The following AUTS2 variants were observed in gnomAD, a reference collection of about 807,000 sequenced individuals.
The protein encoded by AUTS2 is autism susceptibility gene 2 protein.
AUTS2 carries 17 observed loss-of-function variants against 112.4 expected under a neutral mutation model. The ratio of observed to expected loss-of-function variants is 0.15; its 90% confidence interval spans 0.10 to 0.23. The LOEUF is 0.23. Among genes scored for constraint, AUTS2 ranks in the 10% least tolerant of loss-of-function variants. AUTS2 has a pLI of 1.00. For synonymous variants in AUTS2, 751 were observed against 702.7 expected (o/e 1.07, Z -1.09); for missense variants, 1,510 against 1,701.6 (o/e 0.89, Z 1.98).
rs186323825 is a variant in AUTS2, at chr7:69,683,746, A to T, written c.309+83784A>T. On this transcript the variant is annotated intron_variant, in intron 1 of 18. Coordinates refer to ENST00000342771, the MANE Select transcript of AUTS2 (RefSeq NM_015570.4). ...GAAACCCTGTCTCTACTAAAAAAAAAACCAAAAAACAAAAATTGGTCTGGC... is the reference window on the plus strand; with the variant it reads ...GAAACCCTGTCTCTACTAAAAAAAATACCAAAAAACAAAAATTGGTCTGGC... 2.4e-3 allele frequency among the ~76,000 whole-genome samples: 367 copies of T among 152,082 alleles called. 2 individuals carry two copies. Among genetic ancestry groups the T allele is most frequent in the African/African-American group, 8.4e-3 (348 of 41,498 alleles).
chr7:69,739,167 C>T (rs1274948478), intron 1 of AUTS2, among the ~76,000 whole-genome samples: 1 of 152,134 alleles, frequency 6.6e-6, no homozygotes, highest in African/African-American at 2.4e-5. Flanking sequence ...CCCTCCCCTC[C>T]TGCCCTGAAA....
intron 1 of AUTS2, among the ~76,000 whole-genome samples, chr7:69,696,942 C>T (rs1797587268): frequency 6.6e-6 from 1 of 152,162 alleles, no homozygotes; most frequent in South Asian, 2.1e-4. Flanking sequence ...AACTTATTTC[C>T]AAACATCTAA....
chr7:70,307,202 A>G (rs1789531603), intron 4 of AUTS2, among the ~76,000 whole-genome samples: 1 of 152,194 alleles, frequency 6.6e-6, no homozygotes, highest in African/African-American at 2.4e-5. Context: ...TCTTACAACA[A>G]AATTGAACAT....
chr7:70,719,642 T>G (rs1253072390), intron 6 of AUTS2, among the ~76,000 whole-genome samples: 1 of 152,218 alleles, frequency 6.6e-6, no homozygotes, highest in South Asian at 2.1e-4. Context: ...TTATGTATTT[T>G]TAGTAGAGAC....
chr7:70,039,613 T>G (rs1801158986), intron 2 of AUTS2, among the ~76,000 whole-genome samples: 1 of 152,170 alleles, frequency 6.6e-6, no homozygotes, highest in Non-Finnish European at 1.5e-5. Flanking sequence ...CCTTCCAAAT[T>G]GCTGGGATTA....
At chr7:69,978,514 T>C (rs1798149753) in intron 2 of AUTS2, among the ~76,000 whole-genome samples, 1 of 152,124 alleles carries the variant, frequency 6.6e-6, no homozygotes, top group Non-Finnish European at 1.5e-5. Context: ...TGATAAGAAG[T>C]GTTCCTCTGA....
At chr7:70,340,620 C>G (rs1055799233) in intron 4 of AUTS2, among the ~76,000 whole-genome samples, 1 of 152,202 alleles carries the variant, frequency 6.6e-6, no homozygotes, top group Non-Finnish European at 1.5e-5. Flanking sequence ...ATTTTTGATC[C>G]TCTTTGGAAA....
chr7:69,785,987 C>T (rs746051677), intron 1 of AUTS2, among the ~76,000 whole-genome samples: 10 of 152,116 alleles, frequency 6.6e-5, no homozygotes, highest in Non-Finnish European at 1.2e-4. Context: ...CCCGCCACCA[C>T]GCCCAGCTAA....
chr7:69,868,265 G>T (rs1455190167), intron 1 of AUTS2, among the ~76,000 whole-genome samples: 2 of 152,148 alleles, frequency 1.3e-5, no homozygotes, highest in Non-Finnish European at 2.9e-5. Flanking sequence ...CTAAGAAGAT[G>T]CTCCTGATTT....
At chr7:69,804,127 A>G in intron 1 of AUTS2, among the ~76,000 whole-genome samples, 1 of 152,178 alleles carries the variant, frequency 6.6e-6, no homozygotes, top group Non-Finnish European at 1.5e-5. Context: ...GTAGATTGTG[A>G]TGTCCCTGGT....
At chr7:70,432,568 G>A (rs1020175606) in intron 4 of AUTS2, among the ~76,000 whole-genome samples, 7 of 152,148 alleles carry the variant, frequency 4.6e-5, no homozygotes, top group African/African-American at 1.4e-4. Flanking sequence ...ACTGTGGCTC[G>A]CTTTCCGTCT....
At chr7:69,792,439 C>T (rs1789655980) in intron 1 of AUTS2, among the ~76,000 whole-genome samples, 1 of 152,010 alleles carries the variant, frequency 6.6e-6, no homozygotes, top group South Asian at 2.1e-4. Flanking sequence ...CGGGGTTTCA[C>T]CATGTTAGCC....
chr7:70,101,471 G>T (rs1321446890), intron 2 of AUTS2, among the ~76,000 whole-genome samples: 1 of 151,874 alleles, frequency 6.6e-6, no homozygotes, highest in African/African-American at 2.4e-5. Flanking sequence ...GAGGTGGGCA[G>T]ATCACTTGAG....
intron 1 of AUTS2, among the ~76,000 whole-genome samples, chr7:69,647,241 T>A (rs1795066370): frequency 1.3e-5 from 2 of 152,174 alleles, no homozygotes; most frequent in Non-Finnish European, 2.9e-5. Flanking sequence ...ATTTTTTTCT[T>A]ATCTCCAAAA....
chr7:69,671,188 A>G (rs1047835437), intron 1 of AUTS2, among the ~76,000 whole-genome samples: 4 of 152,070 alleles, frequency 2.6e-5, no homozygotes, highest in African/African-American at 9.7e-5. Flanking sequence ...CCACCTTCTT[A>G]ATGTGTCCCT....
chr7:70,715,507 T>TTTTTC (rs138855602), intron 6 of AUTS2, among the ~76,000 whole-genome samples: 2,275 of 145,528 alleles, frequency 0.016, 33 homozygotes, highest in South Asian at 0.061. Context: ...TGCCTGTCTT[T>TTTTTC]TTTTCTTTTC....
Position 70,778,942 on chromosome 7 carries a change from A to G in AUTS2, c.2004+1768A>G, listed in dbSNP as rs1205526605. Among the ~76,000 whole-genome samples, 3 of 152,206 alleles carry G rather than the reference A, an allele frequency of 2.0e-5. No individual in the cohort carries two copies. The East Asian group carries it at 5.8e-4, about 29-fold the overall frequency. On this transcript the variant is annotated intron_variant, in intron 14 of 18. Transcript: ENST00000342771. ...GCCACTTTAGCAACTTCTTTCCCAT[A>G]AAAGTGTCCCCAGTGACTTAAACTT...
rs576703918 is a variant in AUTS2 at position 70,715,243 on chromosome 7, C to A, written c.742+16623C>A. ...TGAACAGTTCTCTGCATTTTTCTTA[C>A]AATAAATCTAACCTATGCTTTCAGT... On this transcript the variant is annotated intron_variant, in intron 6 of 18. Transcript: ENST00000342771. 5.9e-5 allele frequency among the ~76,000 whole-genome samples: 9 copies of A among 152,318 alleles called. No homozygotes were observed. The South Asian group carries it at 1.0e-3, about 18-fold the overall frequency.
At chr7:70,703,129 G>C (rs2129548007) in intron 6 of AUTS2, among the ~76,000 whole-genome samples, 1 of 152,166 alleles carries the variant, frequency 6.6e-6, no homozygotes, top group South Asian at 2.1e-4. Flanking sequence ...TAGACACAAG[G>C]GATTTCCTTG....
Sources: gnomAD v4.1 joint callset for allele counts (sites outside exome capture counted in the v4.1 genomes callset) on GRCh38, gnomAD v4.1.1 for gene constraint, MANE v1.5 for transcripts, NCBI Gene and HGNC (gene_info 2026-07-23, HGNC 2026-07-21) for gene names.